The following TLN2 variants were observed in gnomAD, a reference collection of about 807,000 sequenced individuals.
TLN2 encodes talin 2.
In TLN2, 118 loss-of-function variants were observed where a neutral mutation model predicts 294.7. The ratio of observed to expected loss-of-function variants is 0.40; its 90% CI spans 0.34 to 0.47. TLN2 has a LOEUF of 0.47. TLN2 is among the 20% of genes least tolerant of loss of function. The pLI, the probability that TLN2 is intolerant of heterozygous loss-of-function variation, is 0.84. For missense variants in TLN2, 3,083 were observed against 3,282.2 expected, an observed-to-expected ratio of 0.94 and a Z score of 1.48; for synonymous variants, 1,431 against 1,304.5, an observed-to-expected ratio of 1.10 and a Z score of -2.09.
intron 32 of TLN2, among the ~76,000 whole-genome samples, chr15:62,741,748 C>CGTGTGTGTGTGTGTGT (rs1555495658): frequency 1.2e-4 from 16 of 131,072 alleles, no homozygotes; most frequent in African/African-American, 4.1e-4. Context: ...AAAATTTGCG[C>CGTGTGTGTGTGTGTGT]GTGTGTGTGT....
rs1045740060 is a variant in TLN2, at chr15:62,771,145, G to A, written c.5367+11G>A. On this transcript the variant is annotated intron_variant, in intron 42 of 58. Coordinates refer to ENST00000636159, the MANE Select transcript of TLN2 (RefSeq NM_015059.3). Reference sequence around the variant, plus strand: ...GGCGGAAACCCCAAGGTATGGTCCAGGATATCGGGGACTCACTTAGGACCA... The same window carrying A: ...GGCGGAAACCCCAAGGTATGGTCCAAGATATCGGGGACTCACTTAGGACCA... 1 of 1,596,640 alleles carries A rather than the reference G, an allele frequency of 6.3e-7. No homozygotes were observed. Among genetic ancestry groups the A allele is most frequent in the East Asian group, 2.2e-5 (1 of 44,466 alleles).
intron 52 of TLN2, among the ~76,000 whole-genome samples, chr15:62,815,177 TCACACA>T (rs3055852): frequency 0.25 from 34,636 of 140,414 alleles, 4,671 homozygotes; most frequent in East Asian, 0.39. Flanking sequence ...ATTCTGTCTG[TCACACA>T]CACACACACA....
intron 1 of TLN2, among the ~76,000 whole-genome samples, chr15:62,500,783 A>G (rs967401302): frequency 2.0e-5 from 3 of 152,194 alleles, no homozygotes; most frequent in Non-Finnish European, 2.9e-5. Context: ...TTTTGCCTCA[A>G]TTGGGCAACT....
intron 1 of TLN2, among the ~76,000 whole-genome samples, chr15:62,540,164 A>G (rs1173089811): frequency 1.3e-5 from 2 of 151,964 alleles, no homozygotes; most frequent in East Asian, 3.9e-4. Flanking sequence ...ACATGGTGAA[A>G]CCCCGTCTCT....
intron 1 of TLN2, among the ~76,000 whole-genome samples, chr15:62,409,964 C>T (rs769592784): frequency 2.0e-5 from 3 of 152,182 alleles, no homozygotes; most frequent in Admixed American, 6.5e-5. Flanking sequence ...GGAGCTAGGT[C>T]CGGGTGCAGT....
intron 2 of TLN2, among the ~76,000 whole-genome samples, chr15:62,605,540 C>T (rs185347902): frequency 6.6e-6 from 1 of 152,278 alleles, no homozygotes; most frequent in East Asian, 1.9e-4. Context: ...ATCCCCAGCA[C>T]CATCTTTTCC....
chr15:62,521,591 G>A (rs1357459771), intron 1 of TLN2, among the ~76,000 whole-genome samples: 2 of 152,020 alleles, frequency 1.3e-5, no homozygotes, highest in Non-Finnish European at 2.9e-5. Context: ...AGATGAGGGG[G>A]GTTGTGAGGG....
intron 1 of TLN2, among the ~76,000 whole-genome samples, chr15:62,450,976 C>CTTT (rs753232298): frequency 8.6e-5 from 12 of 139,012 alleles, no homozygotes; most frequent in African/African-American, 2.9e-4. Context: ...AGTTCTCTCT[C>CTTT]TTTTTTTTTT....
chr15:62,557,779 G>T (rs536225985), intron 1 of TLN2, among the ~76,000 whole-genome samples: 84 of 152,310 alleles, frequency 5.5e-4, no homozygotes, highest in African/African-American at 1.9e-3. Flanking sequence ...GACCTCAAGT[G>T]ATCCACCCAC....
chr15:62,622,794 C>T (rs1277458604), intron 3 of TLN2, among the ~76,000 whole-genome samples: 1 of 152,184 alleles, frequency 6.6e-6, no homozygotes, highest in Non-Finnish European at 1.5e-5. Context: ...CTTGGTCCTG[C>T]ACTGTGTCAT....
At chr15:62,507,395 C>G (rs1394200060) in intron 1 of TLN2, among the ~76,000 whole-genome samples, 1 of 152,192 alleles carries the variant, frequency 6.6e-6, no homozygotes, top group Non-Finnish European at 1.5e-5. Context: ...CCTCCCGCAA[C>G]CGAGTCCCCA....
intron 28 of TLN2, among the ~76,000 whole-genome samples, chr15:62,729,118 G>T (rs2060587048): frequency 1.3e-5 from 2 of 152,166 alleles, no homozygotes; most frequent in South Asian, 4.1e-4. Flanking sequence ...ATGATCTTTA[G>T]TGTCACTCTG....
At chr15:62,709,525 G>A (rs1181413762) in intron 21 of TLN2, among the ~76,000 whole-genome samples, 1 of 152,056 alleles carries the variant, frequency 6.6e-6, no homozygotes, top group East Asian at 1.9e-4. Flanking sequence ...AGCCCTAAGA[G>A]GACAGTTTGT....
chr15:62,695,805 T>G (rs983761832), intron 14 of TLN2, among the ~76,000 whole-genome samples: 24 of 152,210 alleles, frequency 1.6e-4, no homozygotes, highest in African/African-American at 5.5e-4. Flanking sequence ...GGATGTAAAT[T>G]AGTGAGCTAG....
chr15:62,729,834 G>C (rs2060622978), intron 28 of TLN2, among the ~76,000 whole-genome samples: 1 of 151,478 alleles, frequency 6.6e-6, no homozygotes, highest in African/African-American at 2.4e-5. Context: ...TTTCCCCTTT[G>C]CTTGCCTCCT....
Position 62,753,778 on chromosome 15 carries a change from A to G in TLN2, c.4338A>G (p.Ala1446=), listed in dbSNP as rs1376803449. ...TTTTTCTCTTCCCTTTCTAGGCTGC[A>G]TACTTGGTTGGCATCTCTGATCCAA... ...CGLTEAAAQA[A]YLVGISDPNS... Residue 1446 remains alanine (A), a synonymous_variant, in exon 36 of 59, where the codon GCA becomes GCG. Transcript: ENST00000636159. The G allele has an allele frequency of 1.2e-6, 2 of 1,606,936 alleles. No individual in the cohort carries two copies. Among genetic ancestry groups the G allele is most frequent in the African/African-American group, 1.3e-5 (1 of 74,568 alleles).
intron 1 of TLN2, among the ~76,000 whole-genome samples, chr15:62,533,615 T>A (rs1209713852): frequency 2.0e-5 from 3 of 152,200 alleles, no homozygotes; most frequent in Non-Finnish European, 4.4e-5. Flanking sequence ...TGTATTTTTC[T>A]TTCTCATCTC....
intron 1 of TLN2, among the ~76,000 whole-genome samples, chr15:62,499,956 A>AC (rs1441446316): frequency 2.6e-5 from 4 of 152,082 alleles, no homozygotes; most frequent in Admixed American, 6.6e-5. Flanking sequence ...AAACAAACAA[A>AC]AAAAACAGTC....
intron 1 of TLN2, among the ~76,000 whole-genome samples, chr15:62,557,018 A>G (rs965900160): frequency 6.6e-6 from 1 of 152,200 alleles, no homozygotes; most frequent in East Asian, 1.9e-4. Context: ...TCAAAAACAG[A>G]TTCTCATATT....
Sources: gnomAD v4.1 joint callset for allele counts (sites outside exome capture counted in the v4.1 genomes callset) on GRCh38, gnomAD v4.1.1 for gene constraint, MANE v1.5 for transcripts, NCBI Gene and HGNC (gene_info 2026-07-23, HGNC 2026-07-21) for gene names.